Variants in COMMD10 observed in about 807,000 individuals in gnomAD.
The protein encoded by COMMD10 is COMM domain-containing protein 10.
COMMD10 carries 33 observed loss-of-function variants against 28.9 expected under a neutral mutation model. The ratio of observed to expected loss-of-function variants is 1.14; its 90% CI spans 0.87 to 1.53. The LOEUF (loss-of-function observed/expected upper bound fraction) is 1.53. Ranked by LOEUF, COMMD10 falls within the 40% of genes most tolerant of loss-of-function variation. The probability of loss-of-function intolerance (pLI) is 0.00; values close to 1 mark genes in which losing one functional copy is unlikely to be tolerated. For synonymous variants in COMMD10, 110 were observed against 81.7 expected (o/e 1.35, Z -1.87); for missense variants, 310 against 233.4 (o/e 1.33, Z -2.14).
chr5:116,092,483 A>C lies in COMMD10; in HGVS notation c.244-62A>C. ...ATTTAAAAATAGTTTTGTATTTAGT[A>C]TAGTTTAAAGTTTCAGTATGAAGAT... On this transcript the variant is annotated intron_variant, in intron 3 of 6. Coordinates refer to ENST00000274458, the MANE Select transcript of COMMD10 (RefSeq NM_016144.4). 3 of 1,167,932 alleles carry C rather than the reference A, an allele frequency of 2.6e-6. No homozygotes were observed. The South Asian group carries it at 5.8e-5, about 23-fold the overall frequency. The allele number at this position is 1,167,932 out of a possible 1,614,324, so 72.3% of individuals were successfully genotyped here. A position where few individuals can be genotyped will look rare whatever the true frequency, so the allele number is the denominator to read the frequency against.
In COMMD10 at chr5:116,185,665, A is replaced by T. The variant is rs141991595; in HGVS notation, c.510+51487A>T. On this transcript the variant is annotated intron_variant, in intron 5 of 6. Transcript: ENST00000274458. ...TATGTAAAGAGGGCATTTCTGGTGG[A>T]AAAATTCCTTGACCTCCTTAGCTCT... Among the ~76,000 whole-genome samples the T allele has an allele frequency of 5.9e-5, 9 of 152,262 alleles. No homozygotes were observed. In the East Asian group the frequency reaches 1.7e-3, roughly 29 times the overall value.
At chr5:116,131,904 C>T (rs1580473834) in intron 4 of COMMD10, among the ~76,000 whole-genome samples, 1 of 152,108 alleles carries the variant, frequency 6.6e-6, no homozygotes, top group East Asian at 1.9e-4. Flanking sequence ...TTATTTGTTT[C>T]ACTGTGGCTA....
intron 5 of COMMD10, among the ~76,000 whole-genome samples, chr5:116,179,857 C>T (rs972975214): frequency 1.3e-5 from 2 of 151,970 alleles, no homozygotes; most frequent in African/African-American, 4.8e-5. Context: ...AAGTAGAAAA[C>T]TCAAATCTAC....
chr5:116,218,536 A>G (rs1332373973), intron 5 of COMMD10, among the ~76,000 whole-genome samples: 1 of 152,202 alleles, frequency 6.6e-6, no homozygotes, highest in East Asian at 1.9e-4. Flanking sequence ...AATGACAGCA[A>G]AATGCAATTT....
At chr5:116,133,672 A>C (rs909536461) in intron 4 of COMMD10, among the ~76,000 whole-genome samples, 1 of 152,220 alleles carries the variant, frequency 6.6e-6, no homozygotes, top group African/African-American at 2.4e-5. Context: ...AGTGCTTTTC[A>C]CCAATTTATG....
intron 5 of COMMD10, among the ~76,000 whole-genome samples, chr5:116,192,267 C>A (rs1299230023): frequency 6.6e-6 from 1 of 150,562 alleles, no homozygotes; most frequent in Non-Finnish European, 1.5e-5. Context: ...TAACAACCCC[C>A]CCCCCCAAAA....
intron 5 of COMMD10, among the ~76,000 whole-genome samples, chr5:116,187,083 CAAAT>C (rs2112605363): frequency 6.6e-6 from 1 of 152,052 alleles, no homozygotes; most frequent in Admixed American, 6.6e-5. Context: ...TAATAATAAA[CAAAT>C]GAATCAAGTT....
intron 4 of COMMD10, among the ~76,000 whole-genome samples, chr5:116,114,709 G>T (rs1000910247): frequency 6.6e-6 from 1 of 152,204 alleles, no homozygotes; most frequent in African/African-American, 2.4e-5. Context: ...TGGGGCTACT[G>T]GTCCCAGTGG....
At chr5:116,206,813 A>G (rs1425448429) in intron 5 of COMMD10, among the ~76,000 whole-genome samples, 1 of 152,234 alleles carries the variant, frequency 6.6e-6, no homozygotes, top group Non-Finnish European at 1.5e-5. Context: ...GGCAGATTTT[A>G]AAATCAGAAA....
chr5:116,273,347 T>C (rs1750808133), intron 5 of COMMD10, among the ~76,000 whole-genome samples: 1 of 151,874 alleles, frequency 6.6e-6, no homozygotes, highest in African/African-American at 2.4e-5. Context: ...ACCAGCCATA[T>C]GTGACCTGTA....
intron 1 of COMMD10, chr5:116,085,414 C>T (rs1367224865): frequency 5.2e-6 from 2 of 388,152 alleles, no homozygotes; most frequent in Non-Finnish European, 9.3e-6. Flanking sequence ...CCGGGTGCTG[C>T]CTTCAGTGCT....
chr5:116,233,978 C>T (rs1749595694), intron 5 of COMMD10, among the ~76,000 whole-genome samples: 1 of 152,066 alleles, frequency 6.6e-6, no homozygotes, highest in African/African-American at 2.4e-5. Context: ...TTTACATTAA[C>T]AGAAGAGGTA....
At chr5:116,243,206 A>C (rs187981655) in intron 5 of COMMD10, among the ~76,000 whole-genome samples, 1 of 152,288 alleles carries the variant, frequency 6.6e-6, no homozygotes, top group East Asian at 1.9e-4. Flanking sequence ...GTACCATGTA[A>C]CATCTTATGT....
At chr5:116,209,817 C>T (rs1432565178) in intron 5 of COMMD10, among the ~76,000 whole-genome samples, 2 of 152,106 alleles carry the variant, frequency 1.3e-5, no homozygotes, top group African/African-American at 2.4e-5. Flanking sequence ...AAGATATTGT[C>T]AGCTACTCAT....
intron 5 of COMMD10, among the ~76,000 whole-genome samples, chr5:116,210,539 G>A (rs1322095882): frequency 6.6e-6 from 1 of 151,994 alleles, no homozygotes; most frequent in Non-Finnish European, 1.5e-5. Flanking sequence ...GGGTATATTT[G>A]TTGACAAGTA....
chr5:116,230,618 A>G (rs1475604721), intron 5 of COMMD10, among the ~76,000 whole-genome samples: 1 of 152,034 alleles, frequency 6.6e-6, no homozygotes, highest in East Asian at 1.9e-4. Context: ...GTAGTGTCCT[A>G]TGGGAATCAA....
chr5:116,200,752 T>C (rs928772041), intron 5 of COMMD10, among the ~76,000 whole-genome samples: 6 of 152,130 alleles, frequency 3.9e-5, no homozygotes, highest in Non-Finnish European at 8.8e-5. Context: ...CTCTAGCATT[T>C]CTTTTGGTTA....
chr5:116,261,527 C>T (rs1161394851), intron 5 of COMMD10, among the ~76,000 whole-genome samples: 1 of 151,694 alleles, frequency 6.6e-6, no homozygotes, highest in African/African-American at 2.4e-5. Flanking sequence ...CTGGGGACTT[C>T]TAAAAACATG....
chr5:116,119,173 G>A (rs1224517910), intron 4 of COMMD10, among the ~76,000 whole-genome samples: 1 of 152,068 alleles, frequency 6.6e-6, no homozygotes, highest in Non-Finnish European at 1.5e-5. Flanking sequence ...GAATATGAAG[G>A]CCAGTCTTAT....
Sources: gnomAD v4.1 joint callset for allele counts (sites outside exome capture counted in the v4.1 genomes callset) on GRCh38, gnomAD v4.1.1 for gene constraint, MANE v1.5 for transcripts, NCBI Gene and HGNC (gene_info 2026-07-23, HGNC 2026-07-21) for gene names.